CALN1: variants seen among roughly 807,000 people sequenced by gnomAD.
The protein encoded by CALN1 is calcium-binding protein 8.
A neutral mutation model predicts 30.6 loss-of-function variants in CALN1; 17 were observed. The ratio of observed to expected loss-of-function variants is 0.56; its 90% CI spans 0.38 to 0.83. The LOEUF (loss-of-function observed/expected upper bound fraction) is 0.83, where lower values mean the gene tolerates loss of function less well. Among genes scored for constraint, CALN1 ranks in the 40% least tolerant of loss-of-function variants. The pLI, the probability that CALN1 is intolerant of heterozygous loss-of-function variation, is 0.00. For missense variants in CALN1, 291 were observed against 354.9 expected, an observed-to-expected ratio of 0.82 and a Z score of 1.45; for synonymous variants, 156 against 131.4, an observed-to-expected ratio of 1.19 and a Z score of -1.28.
chr7:72,053,648 A>G (rs969380484), intron 4 of CALN1, among the ~76,000 whole-genome samples: 14 of 144,912 alleles, frequency 9.7e-5, no homozygotes, highest in Non-Finnish European at 1.7e-4. Context: ...TATTTTTTTT[A>G]TTTTATTTTT....
At chr7:71,806,909 A>C (rs1383180543) in intron 6 of CALN1, among the ~76,000 whole-genome samples, 1 of 152,196 alleles carries the variant, frequency 6.6e-6, no homozygotes, top group East Asian at 1.9e-4. Context: ...TACTGTCATT[A>C]AACTGTTTCT....
At chr7:72,278,655 G>A (rs1227594296) in intron 3 of CALN1, 31 bp downstream of exon 3, 3 of 1,592,112 alleles carry the variant, frequency 1.9e-6, no homozygotes, top group African/African-American at 2.7e-5. Context: ...TGGGAGGGGG[G>A]CCATCCCCCC....
At chr7:72,292,954 T>G (rs1390961793) in intron 2 of CALN1, among the ~76,000 whole-genome samples, 1 of 152,094 alleles carries the variant, frequency 6.6e-6, no homozygotes, top group Admixed American at 6.6e-5. Context: ...ATCTTTTGTC[T>G]CTGCATGAAC....
At chr7:72,107,912 A>G (rs1287994709) in intron 3 of CALN1, among the ~76,000 whole-genome samples, 5 of 152,176 alleles carry the variant, frequency 3.3e-5, no homozygotes, top group Non-Finnish European at 7.3e-5. Context: ...CTTCAAACGC[A>G]TACAAGCCCC....
intron 5 of CALN1, among the ~76,000 whole-genome samples, chr7:71,821,780 GTTTCTTTCT>G (rs1332473831): frequency 1.4e-5 from 2 of 138,988 alleles, no homozygotes; most frequent in Admixed American, 7.1e-5. Context: ...TCTGCTAAAT[GTTTCTTTCT>G]TTTTTTTTTT....
At chr7:72,041,041 AG>A (rs1224221839) in intron 4 of CALN1, among the ~76,000 whole-genome samples, 4 of 152,176 alleles carry the variant, frequency 2.6e-5, no homozygotes, top group African/African-American at 4.8e-5. Context: ...TACTTCTAGG[AG>A]GAAAACTTGG....
chr7:72,377,590 G>T (rs77695264), intron 2 of CALN1, among the ~76,000 whole-genome samples: 2,011 of 152,112 alleles, frequency 0.013, 58 homozygotes, highest in African/African-American at 0.046. Context: ...GCTTATTTTA[G>T]TTATTGTTTG....
intron 3 of CALN1, among the ~76,000 whole-genome samples, chr7:72,181,098 C>CG (rs1554308598): frequency 3.0e-4 from 2 of 6,778 alleles, no homozygotes; most frequent in South Asian, 8.9e-3. Flanking sequence ...ACTGCATAAC[C>CG]CCCCCCCCCC....
intron 3 of CALN1, among the ~76,000 whole-genome samples, chr7:72,123,698 G>A (rs1459321995): frequency 6.6e-6 from 1 of 152,110 alleles, no homozygotes; most frequent in Non-Finnish European, 1.5e-5. Flanking sequence ...GTTCTCTGCT[G>A]CATTATTTTT....
At chr7:71,904,382 T>C (rs758317152) in intron 5 of CALN1, among the ~76,000 whole-genome samples, 2 of 152,178 alleles carry the variant, frequency 1.3e-5, no homozygotes, top group Non-Finnish European at 2.9e-5. Flanking sequence ...GAATAAAATC[T>C]TGTTATTTGC....
chr7:72,453,814 C>G, the CALN1 span, among the ~76,000 whole-genome samples: 1 of 152,072 alleles, frequency 6.6e-6, no homozygotes. Context: ...GTATAAATGT[C>G]AACATGGAAA....
At chr7:72,451,111 GAGA>G (rs994693543), upstream of CALN1, among the ~76,000 whole-genome samples, 4 of 150,342 alleles carry the variant, frequency 2.7e-5, no homozygotes, top group African/African-American at 9.8e-5. Context: ...GAGAAGAAAG[GAGA>G]AGGAGAAGAA....
intron 3 of CALN1, among the ~76,000 whole-genome samples, chr7:72,110,584 T>C (rs942890283): frequency 4.6e-5 from 7 of 151,918 alleles, no homozygotes; most frequent in Admixed American, 4.6e-4. Flanking sequence ...GGCTCCCACG[T>C]AGAGAATTCG....
chr7:72,394,971 T>G (rs1805819296), intron 2 of CALN1, among the ~76,000 whole-genome samples: 1 of 152,128 alleles, frequency 6.6e-6, no homozygotes, highest in Non-Finnish European at 1.5e-5. Flanking sequence ...ATTCTATTCT[T>G]GTCTTGTAAG....
intron 3 of CALN1, among the ~76,000 whole-genome samples, chr7:72,169,420 A>G (rs1788774681): frequency 6.6e-6 from 1 of 151,910 alleles, no homozygotes. Flanking sequence ...CCTGGGGTCA[A>G]GTGATTCTCC....
chr7:72,444,131 C>T (rs1808448363), intron 1 of CALN1, among the ~76,000 whole-genome samples: 1 of 151,878 alleles, frequency 6.6e-6, no homozygotes, highest in Non-Finnish European at 1.5e-5. Flanking sequence ...TCGTACTACG[C>T]ACCAGAGTAG....
intron 4 of CALN1, among the ~76,000 whole-genome samples, chr7:72,044,761 G>A (rs4719204): frequency 0.38 from 57,557 of 151,308 alleles, 10,954 homozygotes; most frequent in South Asian, 0.43. Context: ...ACAGGGGTGC[G>A]CCACCATGCC....
At position 71,967,639 on chromosome 7, in the gene CALN1, A is replaced by AAG. The variant is rs1554399064; in HGVS notation, c.501+56017_501+56018insCT. ...AGACCCTGTTTCAAAAAAAAAAAAA[A>AAG]AAAGAAAGAAAAGAAAAGAAAAGAA... is the stretch of plus-strand genomic sequence containing the variant. On this transcript the variant is annotated intron_variant, in intron 5 of 6. Transcript: ENST00000395275. Among the ~76,000 whole-genome samples the AAG allele has an allele frequency of 4.6e-3, 655 of 142,662 alleles. 5 individuals are homozygous for AAG. The highest frequency in any genetic ancestry group is 0.016 in the African/African-American group (609 of 37,356). The allele number at this position is 142,662 out of a possible 152,430, so 93.6% of individuals were successfully genotyped here.
intron 5 of CALN1, among the ~76,000 whole-genome samples, chr7:72,008,438 T>A (rs866213712): frequency 6.6e-6 from 1 of 150,508 alleles, no homozygotes; most frequent in Non-Finnish European, 1.5e-5. Context: ...GAAAACTAAA[T>A]AAAATAATTT....
Sources: gnomAD v4.1 joint callset for allele counts (sites outside exome capture counted in the v4.1 genomes callset) on GRCh38, gnomAD v4.1.1 for gene constraint, MANE v1.5 for transcripts, NCBI Gene and HGNC (gene_info 2026-07-23, HGNC 2026-07-21) for gene names.